Variants in GLB1 observed in about 807,000 individuals in gnomAD.
GLB1 encodes beta-galactosidase.
A neutral mutation model predicts 74.0 loss-of-function variants in GLB1; 56 were observed. The observed-to-expected ratio is 0.76, with a 90% CI of 0.61 to 0.94. The LOEUF is 0.94. Ranked by LOEUF, GLB1 falls within the 40% of genes least tolerant of loss-of-function variation. The probability of loss-of-function intolerance (pLI) is 0.00; values close to 1 mark genes in which losing one functional copy is unlikely to be tolerated. For synonymous variants in GLB1, 323 were observed against 323.6 expected (o/e 1.00, Z 0.02); for missense variants, 787 against 845.5 (o/e 0.93, Z 0.86).
chr3:33,064,468 C>G (rs182244331), intron 5 of GLB1, among the ~76,000 whole-genome samples: 9 of 138,030 alleles, frequency 6.5e-5, no homozygotes, highest in Non-Finnish European at 1.2e-4. Context: ...AACCTTTACT[C>G]TTTTCCATAA....
Position 33,097,042 on chromosome 3 carries a change from A to G in GLB1, c.44T>C (p.Leu15Pro), listed in dbSNP as rs772183378. ...GCCGCGCGTAGGGCCCAGAAGCAGC[A>G]GAACCAGCAACAGAGGGAGGATGCG... is the stretch of plus-strand genomic sequence containing the variant. ...LVRILPLLLV[L>P]LLLGPTRGLR... The change falls in exon 1 of 16, where the codon CTG becomes CCG. Residue 15 changes from leucine (L) to proline (P), a missense_variant. Transcript: ENST00000307363. The G allele has an allele frequency of 1.9e-6, 3 of 1,612,502 alleles. No individual in the cohort carries two copies. The highest frequency in any genetic ancestry group is 2.5e-6 in the Non-Finnish European group (3 of 1,179,086).
chr3:33,034,814 GAC>G (rs1376345143), intron 10 of GLB1: 1 of 602,528 alleles, frequency 1.7e-6, no homozygotes, highest in African/African-American at 1.8e-5. Flanking sequence ...GCAGTGACAA[GAC>G]AGGCAGAGCC....
chr3:33,001,560 T>G (rs190729567), intron 15 of GLB1, among the ~76,000 whole-genome samples: 1 of 152,328 alleles, frequency 6.6e-6, no homozygotes, highest in Non-Finnish European at 1.5e-5. Flanking sequence ...TTCTTCTAGT[T>G]ATTATCATGA....
rs1455292724 is a variant in GLB1 at position 33,005,330 on chromosome 3, A to G, written c.1735-7986T>C. Among the ~76,000 whole-genome samples, 6 of 152,122 alleles carry G rather than the reference A, an allele frequency of 3.9e-5. No homozygotes were observed. The East Asian group carries it at 5.8e-4, about 15-fold the overall frequency. ...TATACTATTCCCTTGAAAAATATCAATCCCTCTGCACAAAATATCCTTCCC... is the reference window on the plus strand; with the variant it reads ...TATACTATTCCCTTGAAAAATATCAGTCCCTCTGCACAAAATATCCTTCCC... On this transcript the variant is annotated intron_variant, in intron 15 of 15. Coordinates refer to ENST00000307363, the MANE Select transcript of GLB1 (RefSeq NM_000404.4).
At chr3:33,032,007 A>G (rs906278073) in intron 10 of GLB1, among the ~76,000 whole-genome samples, 30 of 152,068 alleles carry the variant, frequency 2.0e-4, no homozygotes, top group African/African-American at 6.5e-4. Flanking sequence ...CATGTTGGCC[A>G]GGCTGGTCTC....
Position 32,997,056 on chromosome 3 carries a change from C to T in GLB1, c.2023G>A (p.Asp675Asn). The change falls in exon 16 of 16, where the codon GAC (aspartate) becomes AAC (asparagine). Residue 675 changes from aspartate (D) to asparagine (N), a missense_variant. Asp to Asn is a conservative substitution (Grantham distance 23). Transcript: ENST00000307363. ...ACAGGCTTTCATCATCATACATGGT[C>T]CAGCCATGAATCTTTGTTTTTTTGC... The part of the protein sequence containing the change: ...PPQKNKDSWL[D>N]HV 6.2e-7 allele frequency: 1 copy of T among 1,614,156 alleles called. No individual in the cohort carries two copies. Among genetic ancestry groups the T allele is most frequent in the African/African-American group, 1.3e-5 (1 of 75,038 alleles).
the GLB1 span, among the ~76,000 whole-genome samples, chr3:32,988,185 CAAAAAAAA>C: frequency 1.9e-3 from 112 of 60,426 alleles, 1 homozygote; most frequent in East Asian, 0.048. Flanking sequence ...GACTCCATCT[CAAAAAAAA>C]AAAAAAAAAA....
intron 10 of GLB1, chr3:33,030,708 T>A: frequency 1.0e-6 from 1 of 985,428 alleles, no homozygotes; most frequent in Non-Finnish European, 1.2e-6. Context: ...CCTTTGGGAA[T>A]CCCAGAATCC....
At chr3:33,033,504 T>C (rs1698140946) in intron 10 of GLB1, among the ~76,000 whole-genome samples, 1 of 152,096 alleles carries the variant, frequency 6.6e-6, no homozygotes, top group East Asian at 1.9e-4. Context: ...GATAAGAGGC[T>C]AGGCGGGGTG....
chr3:33,082,842 T>G (rs1700371740), intron 1 of GLB1, among the ~76,000 whole-genome samples: 2 of 152,102 alleles, frequency 1.3e-5, no homozygotes, highest in South Asian at 2.1e-4. Context: ...ACCATGTTAT[T>G]TGAACCAGGA....
chr3:32,972,310 T>G, the GLB1 span, among the ~76,000 whole-genome samples: 1 of 152,164 alleles, frequency 6.6e-6, no homozygotes, highest in Non-Finnish European at 1.5e-5. Flanking sequence ...CCTCTTAGCC[T>G]CGGAAGGAGG....
In GLB1 at chr3:32,997,248, A is replaced by C. The variant is rs1177306354; in HGVS notation, c.1831T>G (p.Ser611Ala). Residue 611 changes from serine (S) to alanine (A), a missense_variant, in exon 16 of 16, where the codon TCG becomes GCG. By Grantham distance (99) the Ser-to-Ala change is moderately conservative (BLOSUM62 1). Coordinates refer to ENST00000307363, the MANE Select transcript of GLB1 (RefSeq NM_000404.4). ...AGCACGGTGATGGTGTTTGGGGCCG[A>C]GGTCATCAGGATGTGCTGGGGCACA... ...LFVPQHILMT[S>A]APNTITVLEL... is the part of the protein sequence containing the mutation. 8 of 1,614,036 alleles carry C rather than the reference A, an allele frequency of 5.0e-6. No individual in the cohort carries two copies. Among genetic ancestry groups the C allele is most frequent in the African/African-American group, 1.3e-5 (1 of 74,930 alleles).
the GLB1 span, among the ~76,000 whole-genome samples, chr3:32,964,501 A>T: frequency 6.6e-6 from 1 of 152,222 alleles, no homozygotes; most frequent in Non-Finnish European, 1.5e-5. Context: ...AAGACTTCCA[A>T]TTAAGGTGCA....
At chr3:33,050,368 C>T (rs2125520262) in intron 9 of GLB1, among the ~76,000 whole-genome samples, 1 of 152,292 alleles carries the variant, frequency 6.6e-6, no homozygotes, top group Middle Eastern at 3.4e-3. Context: ...AACACTATAA[C>T]CAAAATGTGC....
intron 2 of GLB1, among the ~76,000 whole-genome samples, chr3:33,070,579 C>T (rs138910125): frequency 6.6e-6 from 1 of 152,218 alleles, no homozygotes; most frequent in Non-Finnish European, 1.5e-5. Flanking sequence ...CACAGTAGCT[C>T]TCTTCTGTAA....
At chr3:33,019,516 T>G (rs1489222659) in intron 12 of GLB1, among the ~76,000 whole-genome samples, 1 of 151,966 alleles carries the variant, frequency 6.6e-6, no homozygotes, top group Non-Finnish European at 1.5e-5. Context: ...AGAAAGAAAG[T>G]AAACTTCAGG....
Position 33,093,711 on chromosome 3 carries a change from A to G in GLB1, c.75+3300T>C. ...CACTGCCAGGGCAGGCCTGAGCACG[A>G]GCTTCCTTGTCTTCTCAAGGCTGCC... On this transcript the variant is annotated intron_variant, in intron 1 of 15. Transcript: ENST00000307363. This position sits in a 1 kb window ranked among gnomAD's most constrained non-coding sequence, Gnocchi z 6.0. The G allele has an allele frequency of 6.2e-7, 1 of 1,614,142 alleles. No homozygotes were observed. Among genetic ancestry groups the G allele is most frequent in the Non-Finnish European group, 8.5e-7 (1 of 1,180,010 alleles).
chr3:33,026,269 G>T (rs1196902171), intron 10 of GLB1, among the ~76,000 whole-genome samples: 2 of 152,216 alleles, frequency 1.3e-5, no homozygotes, highest in African/African-American at 4.8e-5. Flanking sequence ...AGCAAGGATG[G>T]GGCTGAGCCC....
chr3:33,073,730 C>T (rs1475320704), intron 1 of GLB1, among the ~76,000 whole-genome samples: 1 of 151,862 alleles, frequency 6.6e-6, no homozygotes, highest in Admixed American at 6.6e-5. Context: ...CAAAGAATAG[C>T]AGGCACCGTT....
Sources: allele counts gnomAD v4.1 joint callset (sites outside exome capture counted in the v4.1 genomes callset), GRCh38; gene constraint gnomAD v4.1.1; non-coding constraint Gnocchi (gnomAD v3.1); transcripts MANE v1.5; gene names NCBI Gene and HGNC (gene_info 2026-07-23, HGNC 2026-07-21).